Variants in CARMIL1 observed in about 807,000 individuals in gnomAD.
CARMIL1 encodes the protein F-actin-uncapping protein LRRC16A.
A neutral mutation model predicts 177.1 loss-of-function variants in CARMIL1; 90 were observed. The observed-to-expected ratio is 0.51, with a 90% CI of 0.43 to 0.61. The LOEUF (loss-of-function observed/expected upper bound fraction) is 0.61, where lower values mean the gene tolerates loss of function less well. Among genes scored for constraint, CARMIL1 ranks in the 20% least tolerant of loss-of-function variants. The pLI, the probability that CARMIL1 is intolerant of heterozygous loss-of-function variation, is 0.00. For synonymous variants in CARMIL1, 577 were observed against 606.2 expected (o/e 0.95, Z 0.71); for missense variants, 1,380 against 1,667.0 (o/e 0.83, Z 3.00).
chr6:25,619,155 C>T (rs1052912777), intron 36 of CARMIL1, among the ~76,000 whole-genome samples: 5 of 152,200 alleles, frequency 3.3e-5, no homozygotes, highest in African/African-American at 1.2e-4. Context: ...CGCTTCCCCA[C>T]CATCCTTTCC....
chr6:25,449,966 G>C lies in CARMIL1; in HGVS notation c.440G>C (p.Ser147Thr). 2 of 1,611,450 alleles carry C rather than the reference G, an allele frequency of 1.2e-6. No homozygotes were observed. The highest frequency in any genetic ancestry group is 1.1e-5 in the South Asian group (1 of 90,854). Residue 147 changes from serine (S) to threonine (T), a missense_variant, in exon 6 of 37, where the codon AGC (serine) becomes ACC (threonine). By Grantham distance (58) the Ser-to-Thr change is moderately conservative. Coordinates refer to ENST00000329474, the MANE Select transcript of CARMIL1 (RefSeq NM_017640.6). ...RLASLQALWDSQTVAEQGPCG... is the reference protein window; with the variant it reads ...RLASLQALWDTQTVAEQGPCG... ...GCTAGTCTCCAGGCGCTGTGGGACA[G>C]CCAGACCGTGGCTGAGCAGGGCCCC...
At chr6:25,612,613 T>A in intron 36 of CARMIL1, 1 of 286,760 alleles carries the variant, frequency 3.5e-6, no homozygotes, top group Non-Finnish European at 5.2e-6. Flanking sequence ...ACACTGTAGG[T>A]TCCTTGAATC....
chr6:25,313,100 A>G (rs544807239), intron 2 of CARMIL1, among the ~76,000 whole-genome samples: 1 of 152,304 alleles, frequency 6.6e-6, no homozygotes, highest in Non-Finnish European at 1.5e-5. Flanking sequence ...GAACTCTGCA[A>G]AAACTGTGGA....
intron 36 of CARMIL1, 117 bp from the exon 37 acceptor site, chr6:25,619,330 C>G: frequency 1.0e-6 from 1 of 952,490 alleles, no homozygotes; most frequent in Non-Finnish European, 1.5e-6. Flanking sequence ...TGAGAAAGTT[C>G]ACCCTGGCCC....
At chr6:25,598,535 A>T (rs1815071079) in intron 32 of CARMIL1, among the ~76,000 whole-genome samples, 1 of 152,164 alleles carries the variant, frequency 6.6e-6, no homozygotes, top group East Asian at 1.9e-4. Context: ...TACCATGCCC[A>T]GGCCATTACT....
chr6:25,306,107 C>T (rs1445911188), intron 2 of CARMIL1, among the ~76,000 whole-genome samples: 1 of 152,116 alleles, frequency 6.6e-6, no homozygotes, highest in Non-Finnish European at 1.5e-5. Flanking sequence ...TCGCCCCTGA[C>T]AATCACTAAT....
chr6:25,450,842 CCCCTTCCCTCCCCT>C, intron 8 of CARMIL1, 131 bp downstream of exon 8: 6 of 518,674 alleles, frequency 1.2e-5, no homozygotes, highest in Admixed American at 2.9e-5. Flanking sequence ...TCCCTCCCCT[CCCCTTCCCTCCCCT>C]CCCTTCCCTT....
chr6:25,287,885 T>C (rs985844324), intron 2 of CARMIL1, among the ~76,000 whole-genome samples: 6 of 152,316 alleles, frequency 3.9e-5, no homozygotes, highest in Non-Finnish European at 8.8e-5. Context: ...CTGTCTTTGA[T>C]TGATTGATTT....
At chr6:25,448,630 T>G (rs1020168436) in intron 5 of CARMIL1, among the ~76,000 whole-genome samples, 1 of 152,204 alleles carries the variant, frequency 6.6e-6, no homozygotes, top group Non-Finnish European at 1.5e-5. Context: ...TGCCCTCGCT[T>G]TCGCCCTGAA....
chr6:25,397,821 G>A (rs764374770), intron 2 of CARMIL1, among the ~76,000 whole-genome samples: 4 of 152,082 alleles, frequency 2.6e-5, no homozygotes, highest in Non-Finnish European at 5.9e-5. Flanking sequence ...TACATGAAAC[G>A]TGAAATCTTA....
intron 4 of CARMIL1, among the ~76,000 whole-genome samples, chr6:25,434,543 T>A (rs983581533): frequency 4.0e-5 from 5 of 126,356 alleles, no homozygotes; most frequent in South Asian, 2.6e-4. Context: ...TTTTTTTTTT[T>A]AGACGGAGTC....
intron 36 of CARMIL1, among the ~76,000 whole-genome samples, chr6:25,618,262 T>G (rs1225575265): frequency 6.8e-6 from 1 of 147,540 alleles, no homozygotes; most frequent in South Asian, 2.1e-4. Context: ...CAAGATAAGT[T>G]TTTTTTTTTT....
intron 36 of CARMIL1, among the ~76,000 whole-genome samples, chr6:25,618,594 G>T (rs1017516513): frequency 6.6e-6 from 1 of 152,242 alleles, no homozygotes; most frequent in Non-Finnish European, 1.5e-5. Context: ...GACAGATCTA[G>T]TTTAAATCCT....
intron 5 of CARMIL1, among the ~76,000 whole-genome samples, chr6:25,435,826 G>C (rs1797176422): frequency 2.0e-5 from 3 of 152,132 alleles, no homozygotes; most frequent in African/African-American, 7.2e-5. Flanking sequence ...AGTGATGAAA[G>C]GATTTGGCAG....
intron 2 of CARMIL1, among the ~76,000 whole-genome samples, chr6:25,401,742 G>A (rs1444065013): frequency 6.6e-6 from 1 of 152,194 alleles, no homozygotes. Flanking sequence ...GTTTGCTGAT[G>A]AATAAATGAA....
At chr6:25,400,974 G>T (rs1436113392) in intron 2 of CARMIL1, among the ~76,000 whole-genome samples, 1 of 148,612 alleles carries the variant, frequency 6.7e-6, no homozygotes, top group African/African-American at 2.5e-5. Context: ...AGAAGCAAAA[G>T]AATATATTTT....
Position 25,604,886 on chromosome 6 carries a change from TG to T in CARMIL1, c.3631del (p.Ala1211GlnfsTer91). Reference sequence around the variant, plus strand: ...GCGGCGTAGAACGGTCGGATGGAGGTGGGGCAGGTAAGTCAGGCCATTGCCA... The same window carrying T: ...GCGGCGTAGAACGGTCGGATGGAGGTGGGCAGGTAAGTCAGGCCATTGCCA... ...LSGVERSDGG[G>X]AVPKLHPGLP... is the part of the protein sequence containing the mutation. On this transcript the variant is annotated frameshift_variant, in exon 34 of 37. Transcript: ENST00000329474. LOFTEE classifies it high-confidence loss of function. 1 of 1,592,300 alleles carries T rather than the reference TG, an allele frequency of 6.3e-7. No individual in the cohort carries two copies.
Position 25,529,755 on chromosome 6 carries a change from CAAAAAAAAAAAAAAA to C in CARMIL1, c.2067+878_2067+892del, listed in dbSNP as rs70977217. ...GGGCGACAGAGCGAGACTCCGTCTC[CAAAAAAAAAAAAAAA>C]AAAAAAAAAAAAAAAGAATAGGCTG... On this transcript the variant is annotated intron_variant, in intron 24 of 36. Transcript: ENST00000329474. Among the ~76,000 whole-genome samples, 24 of 33,584 alleles carry C rather than the reference CAAAAAAAAAAAAAAA, an allele frequency of 7.1e-4. 1 individual carries two copies. Among genetic ancestry groups the C allele is most frequent in the South Asian group, 3.9e-3 (3 of 772 alleles). The allele number at this position is 33,584 out of a possible 152,430, so 22.0% of individuals were successfully genotyped here.
intron 3 of CARMIL1, 131 bp downstream of exon 3, chr6:25,420,295 C>A: frequency 1.2e-6 from 1 of 835,922 alleles, no homozygotes; most frequent in Non-Finnish European, 2.0e-6. Flanking sequence ...ACACACACCT[C>A]ACTTACATAG....
Sources: allele counts gnomAD v4.1 joint callset (sites outside exome capture counted in the v4.1 genomes callset), GRCh38; gene constraint gnomAD v4.1.1; transcripts MANE v1.5; gene names NCBI Gene and HGNC (gene_info 2026-07-23, HGNC 2026-07-21).